The following PTPRN2 variants were observed in gnomAD, a reference collection of about 807,000 sequenced individuals.
PTPRN2 encodes the protein receptor-type tyrosine-protein phosphatase N2.
In PTPRN2, 74 loss-of-function variants were observed where a neutral mutation model predicts 118.8. The observed-to-expected ratio is 0.62, with a 90% CI of 0.52 to 0.76. The LOEUF is 0.76. Ranked by LOEUF, PTPRN2 falls within the 30% of genes least tolerant of loss-of-function variation. The pLI is 0.00. For missense variants in PTPRN2, 1,481 were observed against 1,394.4 expected (o/e 1.06, Z -0.99); for synonymous variants, 641 against 608.0 (o/e 1.05, Z -0.80).
At chr7:158,390,447 C>T (rs1402500071) in intron 2 of PTPRN2, among the ~76,000 whole-genome samples, 1 of 152,224 alleles carries the variant, frequency 6.6e-6, no homozygotes, top group South Asian at 2.1e-4. Flanking sequence ...GTGAGACCTG[C>T]GGAGTCTCTG....
chr7:158,329,581 C>G (rs1016613472), intron 2 of PTPRN2, among the ~76,000 whole-genome samples: 12 of 152,208 alleles, frequency 7.9e-5, no homozygotes, highest in Admixed American at 7.9e-4. Context: ...AGACGTCAAC[C>G]CTGCCAGGGC....
chr7:158,238,387 A>G (rs370295199), intron 3 of PTPRN2, among the ~76,000 whole-genome samples: 2 of 152,152 alleles, frequency 1.3e-5, no homozygotes, highest in Middle Eastern at 3.4e-3. Flanking sequence ...CACCAAAAGC[A>G]CAGCAGGCGA....
chr7:158,167,710 G>A (rs1003800759), intron 5 of PTPRN2, among the ~76,000 whole-genome samples: 1 of 152,172 alleles, frequency 6.6e-6, no homozygotes, highest in Non-Finnish European at 1.5e-5. Flanking sequence ...CAGTCTCTAT[G>A]GAGGAGTCTC....
intron 14 of PTPRN2, among the ~76,000 whole-genome samples, chr7:157,653,014 C>T (rs575919233): frequency 2.0e-5 from 3 of 152,202 alleles, no homozygotes; most frequent in Admixed American, 6.5e-5. Flanking sequence ...AGGCCAGCCC[C>T]GCCTGAAGGT....
At chr7:158,562,097 G>A (rs575017331) in intron 1 of PTPRN2, among the ~76,000 whole-genome samples, 1 of 152,328 alleles carries the variant, frequency 6.6e-6, no homozygotes, top group East Asian at 1.9e-4. Flanking sequence ...AGCTGGAACT[G>A]TAACAGAATG....
At chr7:158,257,307 C>A (rs1797087860) in intron 3 of PTPRN2, among the ~76,000 whole-genome samples, 1 of 149,292 alleles carries the variant, frequency 6.7e-6, no homozygotes, top group South Asian at 2.1e-4. Context: ...GGGTAGGATC[C>A]TTCCTTTAAA....
chr7:158,056,974 G>A (rs766680067), intron 11 of PTPRN2, among the ~76,000 whole-genome samples: 20 of 152,108 alleles, frequency 1.3e-4, no homozygotes, highest in Non-Finnish European at 1.9e-4. Flanking sequence ...CAGCCACCTC[G>A]GATGTGTCCA....
intron 21 of PTPRN2, among the ~76,000 whole-genome samples, chr7:157,549,872 C>A (rs115314253): frequency 0.012 from 1,821 of 152,276 alleles, 37 homozygotes; most frequent in African/African-American, 0.042. Context: ...CACAGGGAAA[C>A]CCACATGGGT....
At position 157,964,305 on chromosome 7, in the gene PTPRN2, G is replaced by A. The variant is rs767942771; in HGVS notation, c.1724-65568C>T. On this transcript the variant is annotated intron_variant, in intron 11 of 22. Coordinates refer to ENST00000389418, the MANE Select transcript of PTPRN2 (RefSeq NM_002847.5). The surrounding 1 kb of genome is among the most constrained non-coding windows in gnomAD (Gnocchi z 9.0). ...ACACGCACAGAGGATCACTGGGGGCGATGTAGAGATGTGGAAGCTGGACCC... is the reference window on the plus strand; with the variant it reads ...ACACGCACAGAGGATCACTGGGGGCAATGTAGAGATGTGGAAGCTGGACCC... 7.2e-5 allele frequency among the ~76,000 whole-genome samples: 11 copies of A among 152,104 alleles called. No homozygotes were observed. The highest frequency in any genetic ancestry group is 1.9e-4 in the East Asian group (1 of 5,180).
chr7:157,927,441 C>G (rs1799083476), intron 11 of PTPRN2, among the ~76,000 whole-genome samples: 1 of 79,052 alleles, frequency 1.3e-5, no homozygotes, highest in Non-Finnish European at 2.2e-5. Flanking sequence ...TCTGGGACCC[C>G]AAGACAGGAA....
At chr7:157,799,507 T>C (rs868231692) in intron 12 of PTPRN2, among the ~76,000 whole-genome samples, 67 of 152,154 alleles carry the variant, frequency 4.4e-4, no homozygotes, top group Middle Eastern at 3.4e-3. Flanking sequence ...CTCCTCACCT[T>C]GGGACCTACA....
intron 9 of PTPRN2, among the ~76,000 whole-genome samples, chr7:158,129,149 A>G (rs1315095737): frequency 2.7e-5 from 4 of 150,828 alleles, no homozygotes; most frequent in Non-Finnish European, 5.9e-5. Flanking sequence ...CTACACACAT[A>G]CACTACACAC....
intron 6 of PTPRN2, among the ~76,000 whole-genome samples, chr7:158,164,410 G>A (rs554935745): frequency 5.2e-4 from 21 of 40,246 alleles, no homozygotes; most frequent in Admixed American, 1.6e-3. Flanking sequence ...AGGAGCGCGC[G>A]CGTAGGAAGG....
chr7:157,976,059 C>T (rs1802719497), intron 11 of PTPRN2, among the ~76,000 whole-genome samples: 1 of 152,236 alleles, frequency 6.6e-6, no homozygotes, highest in Non-Finnish European at 1.5e-5. Flanking sequence ...CCTGAGTGCT[C>T]ACCATCCAAG....
chr7:158,455,689 G>A (rs1181187327), intron 2 of PTPRN2, among the ~76,000 whole-genome samples: 2 of 135,972 alleles, frequency 1.5e-5, no homozygotes, highest in Non-Finnish European at 3.1e-5. Flanking sequence ...GCCACCCATC[G>A]CTCTGCAGAG....
intron 14 of PTPRN2, among the ~76,000 whole-genome samples, chr7:157,650,791 G>A (rs995252074): frequency 6.0e-4 from 91 of 152,378 alleles, no homozygotes; most frequent in African/African-American, 2.1e-3. Flanking sequence ...TGCTGCAGCT[G>A]GTGACTTGCA....
At chr7:158,382,536 C>G (rs113426714) in intron 2 of PTPRN2, among the ~76,000 whole-genome samples, 1 of 152,176 alleles carries the variant, frequency 6.6e-6, no homozygotes, top group Non-Finnish European at 1.5e-5. Flanking sequence ...CCCCAACCCC[C>G]GGGCCATGAA....
chr7:157,841,230 G>A (rs1348900177), intron 12 of PTPRN2, among the ~76,000 whole-genome samples: 1 of 152,264 alleles, frequency 6.6e-6, no homozygotes, highest in African/African-American at 2.4e-5. Context: ...AACAGGCTAT[G>A]GGGTCTTGAA....
chr7:158,333,829 C>G (rs1289860444), intron 2 of PTPRN2, among the ~76,000 whole-genome samples: 1 of 143,586 alleles, frequency 7.0e-6, no homozygotes. Context: ...CACTCACACC[C>G]ACACTCTCAC....
Sources: gnomAD v4.1 joint callset for allele counts (sites outside exome capture counted in the v4.1 genomes callset) on GRCh38, gnomAD v4.1.1 for gene constraint, Gnocchi (gnomAD v3.1) non-coding constraint, MANE v1.5 for transcripts, NCBI Gene and HGNC (gene_info 2026-07-23, HGNC 2026-07-21) for gene names.